The following WDFY4 variants were observed in gnomAD, a reference collection of about 807,000 sequenced individuals.
The protein encoded by WDFY4 is WDFY family member 4, also known as WD repeat- and FYVE domain-containing protein 4.
In WDFY4, 169 loss-of-function variants were observed where a neutral mutation model predicts 351.9. The ratio of observed to expected loss-of-function variants is 0.48; its 90% CI spans 0.42 to 0.55. WDFY4 has a LOEUF of 0.55. Ranked by LOEUF, WDFY4 falls within the 20% of genes least tolerant of loss-of-function variation. WDFY4 has a pLI of 0.00. For missense variants in WDFY4, 3,803 were observed against 3,935.6 expected (o/e 0.97, Z 0.90); for synonymous variants, 1,622 against 1,574.6 (o/e 1.03, Z -0.71).
At chr10:48,975,094 G>A (rs1011832367) in intron 58 of WDFY4, 53 bp downstream of exon 58, 8 of 1,549,898 alleles carry the variant, frequency 5.2e-6, no homozygotes, top group Admixed American at 3.9e-5. Flanking sequence ...GTAGCATGGG[G>A]TACAACACTC....
chr10:48,820,457 A>G lies in WDFY4; in HGVS notation c.5709+20A>G. The G allele has an allele frequency of 3.2e-6, 5 of 1,549,864 alleles. No homozygotes were observed. The highest frequency in any genetic ancestry group is 1.4e-5 in the African/African-American group (1 of 73,094). On this transcript the variant is annotated intron_variant, in intron 33 of 61. Transcript: ENST00000325239. ...CTGGAGGTGGGTTGGAAAAGGTGAC[A>G]TTGGGCCATGTGCTGTGGAGGCTGC...
intron 47 of WDFY4, among the ~76,000 whole-genome samples, chr10:48,920,172 A>G (rs1183334450): frequency 6.6e-6 from 1 of 152,244 alleles, no homozygotes; most frequent in African/African-American, 2.4e-5. Context: ...TTGACAATGT[A>G]ACATCTGCTA....
At chr10:48,902,847 C>T (rs1209453207) in intron 47 of WDFY4, among the ~76,000 whole-genome samples, 1 of 152,150 alleles carries the variant, frequency 6.6e-6, no homozygotes, top group Non-Finnish European at 1.5e-5. Flanking sequence ...TGGTGGCTCA[C>T]TCCTGTAATC....
intron 45 of WDFY4, among the ~76,000 whole-genome samples, chr10:48,898,178 G>T (rs577201484): frequency 6.0e-4 from 91 of 152,294 alleles, no homozygotes; most frequent in African/African-American, 2.0e-3. Flanking sequence ...CAGAGGAAAA[G>T]CTCAGCCATA....
rs531212582 is a variant in WDFY4 at position 48,872,156 on chromosome 10, A to T, written c.6742-1335A>T. On this transcript the variant is annotated intron_variant, in intron 40 of 61. Coordinates refer to ENST00000325239, the MANE Select transcript of WDFY4 (RefSeq NM_001394531.1). ...CACCCCAAAGCCATGCTTTCATGGGAATGCCTCTGGCAAGTTATGAGAACA... is the reference window on the plus strand; with the variant it reads ...CACCCCAAAGCCATGCTTTCATGGGTATGCCTCTGGCAAGTTATGAGAACA... 2.6e-5 allele frequency among the ~76,000 whole-genome samples: 4 copies of T among 152,352 alleles called. No homozygotes were observed. The South Asian group carries it at 8.3e-4, about 32-fold the overall frequency.
chr10:48,886,341 C>T (rs1023383225), intron 43 of WDFY4, among the ~76,000 whole-genome samples: 1 of 152,084 alleles, frequency 6.6e-6, no homozygotes, highest in Admixed American at 6.6e-5. Context: ...TTGTTGTCTC[C>T]CTGCTATGGT....
At chr10:48,868,413 G>T (rs537596165) in intron 40 of WDFY4, among the ~76,000 whole-genome samples, 1 of 152,266 alleles carries the variant, frequency 6.6e-6, no homozygotes, top group South Asian at 2.1e-4. Context: ...TGCACAAGCT[G>T]GTCTTTCACA....
chr10:48,899,838 C>T (rs1296654637), intron 45 of WDFY4, among the ~76,000 whole-genome samples: 1 of 152,150 alleles, frequency 6.6e-6, no homozygotes, highest in African/African-American at 2.4e-5. Flanking sequence ...CAGCTGCACG[C>T]ACTGAACTAG....
intron 12 of WDFY4, among the ~76,000 whole-genome samples, chr10:48,757,859 T>C (rs1269037528): frequency 6.6e-6 from 1 of 152,092 alleles, no homozygotes; most frequent in Non-Finnish European, 1.5e-5. Flanking sequence ...TCAAATGGAT[T>C]ATAGAAAGCT....
In WDFY4 at chr10:48,729,541, A is replaced by G. The variant is rs2064384581; in HGVS notation, c.1081A>G (p.Ile361Val). 3 of 1,551,750 alleles carry G rather than the reference A, an allele frequency of 1.9e-6. No homozygotes were observed. Among genetic ancestry groups the G allele is most frequent in the South Asian group, 1.2e-5 (1 of 84,062 alleles). Residue 361 changes from isoleucine (I) to valine (V), a missense_variant, in exon 8 of 62, where the codon ATC (isoleucine) becomes GTC (valine). Ile to Val is a conservative substitution (Grantham distance 29). This residue lies in a region of WDFY4 where 488 missense variants were observed against 456.8 expected (regional missense o/e 1.07). Transcript: ENST00000325239. ...GTCAGAGCTGAAGGTGTTTGACAGC[A>G]TCACTTACCCTCAGCTTGAAGGCTT... is the stretch of plus-strand genomic sequence containing the variant. ...GRSELKVFDS[I>V]TYPQLEGFKF...
chr10:48,977,900 C>T (rs1416476489), intron 59 of WDFY4, among the ~76,000 whole-genome samples: 1 of 152,172 alleles, frequency 6.6e-6, no homozygotes, highest in African/African-American at 2.4e-5. Context: ...GGCTTAGCGC[C>T]AAGGGCCAGA....
chr10:48,710,802 G>T (rs1025179635), intron 2 of WDFY4, among the ~76,000 whole-genome samples: 1 of 152,220 alleles, frequency 6.6e-6, no homozygotes, highest in Non-Finnish European at 1.5e-5. Context: ...GGAAACCAGC[G>T]CATCTACTGG....
intron 35 of WDFY4, chr10:48,824,301 T>G: frequency 3.6e-6 from 2 of 550,076 alleles, no homozygotes; most frequent in Non-Finnish European, 4.6e-6. Context: ...GGTGTTTTTA[T>G]GACAAACAGG....
chr10:48,939,796 T>C (rs142129411), intron 47 of WDFY4, among the ~76,000 whole-genome samples: 192 of 152,326 alleles, frequency 1.3e-3, no homozygotes, highest in African/African-American at 4.2e-3. Context: ...TCTCTGATGG[T>C]ACCAGAAATA....
chr10:48,801,557 T>C (rs1336966980), intron 24 of WDFY4: 1 of 455,754 alleles, frequency 2.2e-6, no homozygotes, highest in African/African-American at 2.0e-5. Context: ...TAGAGCTGCC[T>C]TCATCAATAC....
chr10:48,972,192 A>G (rs1842366999), intron 57 of WDFY4, among the ~76,000 whole-genome samples: 1 of 152,254 alleles, frequency 6.6e-6, no homozygotes, highest in Non-Finnish European at 1.5e-5. Flanking sequence ...GTAGGCTTGC[A>G]GATTCCCCAG....
chr10:48,968,870 C>A, intron 55 of WDFY4, 194 bp from the exon 56 acceptor site: 1 of 599,790 alleles, frequency 1.7e-6, no homozygotes, highest in East Asian at 2.9e-5. Flanking sequence ...ACAGTGGGTG[C>A]TGTCCTTCTG....
intron 22 of WDFY4, 75 bp from the exon 23 acceptor site, chr10:48,790,652 C>T: frequency 6.7e-7 from 1 of 1,491,222 alleles, no homozygotes. Context: ...CATTGGTCCT[C>T]CTGTGCTGTC....
chr10:48,711,024 G>C (rs2063755549), intron 2 of WDFY4, among the ~76,000 whole-genome samples: 1 of 152,242 alleles, frequency 6.6e-6, no homozygotes, highest in African/African-American at 2.4e-5. Flanking sequence ...ATTCAAAGCA[G>C]AGAGAACAAG....
Sources: allele counts gnomAD v4.1 joint callset (sites outside exome capture counted in the v4.1 genomes callset), GRCh38; gene constraint gnomAD v4.1.1; regional missense constraint gnomAD v4.1.1; transcripts MANE v1.5; gene names NCBI Gene and HGNC (gene_info 2026-07-23, HGNC 2026-07-21).